MCHR1: variants seen among roughly 807,000 people sequenced by gnomAD.
MCHR1 encodes the protein melanin concentrating hormone receptor 1.
In MCHR1, 13 loss-of-function variants were observed where a neutral mutation model predicts 20.4. The observed-to-expected ratio is 0.64, with a 90% CI of 0.41 to 1.01. The LOEUF (loss-of-function observed/expected upper bound fraction) is 1.01. Ranked by LOEUF, MCHR1 falls within the 50% of genes least tolerant of loss-of-function variation. The pLI is 0.00. For synonymous variants in MCHR1, 215 were observed against 204.4 expected (o/e 1.05, Z -0.44); for missense variants, 472 against 477.0 (o/e 0.99, Z 0.10).
Position 40,681,659 on chromosome 22 carries a change from T to G in MCHR1, c.793T>G (p.Phe265Val), listed in dbSNP as rs1470836883. 1 of 1,614,244 alleles carries G rather than the reference T, an allele frequency of 6.2e-7. No individual in the cohort carries two copies. The highest frequency in any genetic ancestry group is 1.7e-5 in the Admixed American group (1 of 60,032). Residue 265 changes from phenylalanine to valine, a missense_variant, in exon 2 of 2, where the codon TTC (phenylalanine) becomes GTC (valine). By Grantham distance (50) the Phe-to-Val change is conservative. Transcript: ENST00000249016. This position sits in a 1 kb window ranked among gnomAD's most constrained non-coding sequence, Gnocchi z 4.3. ...TRTAIAICLV[F>V]FVCWAPYYVL... ...CACAGCCATCGCCATCTGTCTGGTC[T>G]TCTTTGTGTGCTGGGCACCCTACTA...
chr22:40,681,383 A>T lies in MCHR1; in HGVS notation c.517A>T (p.Ile173Phe), dbSNP rs1420793807. The T allele has an allele frequency of 6.2e-7, 1 of 1,614,130 alleles. No individual in the cohort carries two copies. Among genetic ancestry groups the T allele is most frequent in the East Asian group, 2.2e-5 (1 of 44,878 alleles). Residue 173 changes from isoleucine (I) to phenylalanine (F), a missense_variant, in exon 2 of 2, where the codon ATC becomes TTC. Transcript: ENST00000249016. This position sits in a 1 kb window ranked among gnomAD's most constrained non-coding sequence, Gnocchi z 4.3. Reference sequence around the variant, plus strand: ...CTGCCTCCTGTGGGCCCTCTCCTTCATCAGCATCACCCCTGTGTGGCTGTA... The same window carrying T: ...CTGCCTCCTGTGGGCCCTCTCCTTCTTCAGCATCACCCCTGTGTGGCTGTA... ...VICLLWALSF[I>F]SITPVWLYAR...
chr22:40,680,616 C>A, intron 1 of MCHR1: 1 of 196,176 alleles, frequency 5.1e-6, no homozygotes, highest in Non-Finnish European at 9.2e-6. Flanking sequence ...ACTTTTGTGT[C>A]CTTCTGGCTA....
At position 40,681,119 on chromosome 22, in the gene MCHR1, C is replaced by G. The variant is rs763368168; in HGVS notation, c.253C>G (p.Leu85Val). The G allele has an allele frequency of 3.0e-5, 48 of 1,614,148 alleles. No homozygotes were observed. In the Middle Eastern group the frequency reaches 2.5e-3, roughly 83 times the overall value. The change falls in exon 2 of 2, where the codon CTC (leucine) becomes GTC (valine). Residue 85 changes from leucine (L) to valine (V), a missense_variant. Physicochemically the swap from Leu to Val is conservative, Grantham distance 32. Transcript: ENST00000249016. The surrounding 1 kb of genome is among the most constrained non-coding windows in gnomAD (Gnocchi z 4.3). Reference protein sequence around the residue: ...NNVPDIFIINLSVVDLLFLLG... With the variant: ...NNVPDIFIINVSVVDLLFLLG... ...CGTCCCCGACATCTTCATCATCAAC[C>G]TCTCGGTAGTAGATCTCCTCTTTCT...
At chr22:40,680,654 G>T in intron 1 of MCHR1, 1 of 521,412 alleles carries the variant, frequency 1.9e-6, no homozygotes, top group Non-Finnish European at 2.5e-6. Flanking sequence ...GGTGAAGCCC[G>T]GGGCTCACAG....
chr22:40,680,838 G>C, intron 1 of MCHR1, 111 bp from the exon 2 acceptor site: 1 of 1,585,178 alleles, frequency 6.3e-7, no homozygotes, highest in Non-Finnish European at 8.6e-7. Flanking sequence ...AATGGTGGGA[G>C]AGGATTCCAG....
intron 1 of MCHR1, chr22:40,680,657 G>A (rs1285799514): frequency 3.7e-6 from 2 of 544,212 alleles, no homozygotes; most frequent in Non-Finnish European, 4.7e-6. Flanking sequence ...GAAGCCCGGG[G>A]CTCACAGAGT....
At position 40,681,359 on chromosome 22, in the gene MCHR1, T is replaced by C; in HGVS notation, c.493T>C (p.Cys165Arg). The C allele has an allele frequency of 1.9e-6, 3 of 1,614,236 alleles. No individual in the cohort carries two copies. Among genetic ancestry groups the C allele is most frequent in the Non-Finnish European group, 2.5e-6 (3 of 1,180,042 alleles). The change falls in exon 2 of 2, where the codon TGC (cysteine) becomes CGC (arginine). Residue 165 changes from cysteine to arginine, a missense_variant. Cys to Arg is a radical substitution (Grantham distance 180). Coordinates refer to ENST00000249016, the MANE Select transcript of MCHR1 (RefSeq NM_005297.4). The surrounding 1 kb of genome is among the most constrained non-coding windows in gnomAD (Gnocchi z 4.3). The part of the protein sequence containing the change: ...RKPSVATLVI[C>R]LLWALSFISI... ...GCCCTCTGTGGCCACCCTGGTGATCTGCCTCCTGTGGGCCCTCTCCTTCAT... is the reference window on the plus strand; with the variant it reads ...GCCCTCTGTGGCCACCCTGGTGATCCGCCTCCTGTGGGCCCTCTCCTTCAT...
At chr22:40,680,748 C>A in intron 1 of MCHR1, 1 of 985,202 alleles carries the variant, frequency 1.0e-6, no homozygotes, top group Non-Finnish European at 1.2e-6. Context: ...ACAGATGGCT[C>A]AGGGCACTCT....
rs3087592 is a variant in MCHR1, at chr22:40,682,661, C to T, written c.*733C>T. 6,345 of 154,072 alleles carry T rather than the reference C, an allele frequency of 0.041. 168 individuals carry two copies. The highest frequency in any genetic ancestry group is 0.062 in the Non-Finnish European group (4,322 of 69,170). 9.5% of individuals were successfully genotyped at this position (154,072 alleles called of 1,614,324 possible). On this transcript the variant is annotated 3_prime_UTR_variant, in exon 2 of 2. Transcript: ENST00000249016. Reference sequence around the variant, plus strand: ...TGCAGCTCTGGTGACATTCTCTCCACGGGGCACATTTGCTCAGTCACTAAT... The same window carrying T: ...TGCAGCTCTGGTGACATTCTCTCCATGGGGCACATTTGCTCAGTCACTAAT...
rs549253450 is a variant in MCHR1 at position 40,681,614 on chromosome 22, C to A, written c.748C>A (p.Arg250=). 4 of 1,614,178 alleles carry A rather than the reference C, an allele frequency of 2.5e-6. No individual in the cohort carries two copies. In the Admixed American group the frequency reaches 5.0e-5, roughly 20 times the overall value. Residue 250 remains arginine (R), a synonymous_variant, in exon 2 of 2, where the codon CGG becomes AGG. Coordinates refer to ENST00000249016, the MANE Select transcript of MCHR1 (RefSeq NM_005297.4). The surrounding 1 kb of genome is among the most constrained non-coding windows in gnomAD (Gnocchi z 4.3). ...CGCCTCCCAGCGCAGCATCCGGCTG[C>A]GGACAAAGAGGGTGACCCGCACAGC... The part of the protein sequence containing the change: ...APASQRSIRL[R]TKRVTRTAIA...
Position 40,680,953 on chromosome 22 carries a change from ACCT to A in MCHR1, c.92_94del (p.Pro31del). ...GCTTGCTCCTTCTGTCCCCAGGATC[ACCT>A]CCTCGCACGGGGAGCATCTCCTACA... On this transcript the variant is annotated inframe_deletion, in exon 2 of 2. Transcript: ENST00000249016. 1 of 1,613,774 alleles carries A rather than the reference ACCT, an allele frequency of 6.2e-7. No individual in the cohort carries two copies.
At position 40,681,921 on chromosome 22, in the gene MCHR1, G is replaced by A. The variant is rs151079308; in HGVS notation, c.1055G>A (p.Gly352Asp). 3 of 1,606,536 alleles carry A rather than the reference G, an allele frequency of 1.9e-6. No individual in the cohort carries two copies. Among genetic ancestry groups the A allele is most frequent in the Non-Finnish European group, 2.5e-6 (3 of 1,180,010 alleles). The change falls in exon 2 of 2, where the codon GGC (glycine) becomes GAC (aspartate). Residue 352 changes from glycine to aspartate, a missense_variant. Gly to Asp is a moderately conservative substitution (Grantham distance 94). Transcript: ENST00000249016. The surrounding 1 kb of genome is among the most constrained non-coding windows in gnomAD (Gnocchi z 4.3). The stretch of plus-strand genomic sequence containing the variant: ...GACGAGGAGAGGACAGAAAGCAAAG[G>A]CACCTGATACTTCCCCTGCCACCCT... ...TADEERTESKGT is the reference protein window; with the variant it reads ...TADEERTESKDT
Position 40,679,533 on chromosome 22 carries a change from C to T in MCHR1, c.-120C>T, listed in dbSNP as rs368210469. ...CTGCCAGGCTACGGAGGAAGACCCC[C>T]TTCCCAACTGCGGGGCTTGCGCTCC... is the stretch of plus-strand genomic sequence containing the variant. On this transcript the variant is annotated 5_prime_UTR_variant, in exon 1 of 2. Transcript: ENST00000249016. 5 of 1,613,818 alleles carry T rather than the reference C, an allele frequency of 3.1e-6. No individual in the cohort carries two copies. The highest frequency in any genetic ancestry group is 1.7e-5 in the Admixed American group (1 of 60,006).
Position 40,679,682 on chromosome 22 carries a change from T to A in MCHR1, c.30T>A (p.Thr10=), listed in dbSNP as rs553005061. The change falls in exon 1 of 2, where the codon ACT becomes ACA. Residue 10 remains threonine, a synonymous_variant. Coordinates refer to ENST00000249016, the MANE Select transcript of MCHR1 (RefSeq NM_005297.4). ...ACCTGGAAGCCTCGCTGCTGCCCAC[T>A]GGTCCCAACGCCAGCAACACCTCTG... MDLEASLLP[T]GPNASNTSDG... 7 of 1,613,912 alleles carry A rather than the reference T, an allele frequency of 4.3e-6. No homozygotes were observed. The highest frequency in any genetic ancestry group is 5.9e-6 in the Non-Finnish European group (7 of 1,179,984).
rs200370529 is a variant in MCHR1, at chr22:40,681,322, G to A, written c.456G>A (p.Thr152=). 8.1e-6 allele frequency: 13 copies of A among 1,614,116 alleles called. No homozygotes were observed. The highest frequency in any genetic ancestry group is 2.2e-5 in the East Asian group (1 of 44,882). The change falls in exon 2 of 2, where the codon ACG becomes ACA. Residue 152 remains threonine (T), a synonymous_variant. Transcript: ENST00000249016. This position sits in a 1 kb window ranked among gnomAD's most constrained non-coding sequence, Gnocchi z 4.3. Reference sequence around the variant, plus strand: ...CCACTGTCCACCCCATCTCTTCCACGAAGTTCCGGAAGCCCTCTGTGGCCA... The same window carrying A: ...CCACTGTCCACCCCATCTCTTCCACAAAGTTCCGGAAGCCCTCTGTGGCCA... ...YLATVHPISS[T]KFRKPSVATL... is the part of the protein sequence containing the mutation.
rs2056867714 is a variant in MCHR1 at position 40,679,516 on chromosome 22, C to T, written c.-137C>T. ...CTTGGAGGCGGCAGCGGCTGCCAGG[C>T]TACGGAGGAAGACCCCCTTCCCAAC... On this transcript the variant is annotated 5_prime_UTR_variant, in exon 1 of 2. Coordinates refer to ENST00000249016, the MANE Select transcript of MCHR1 (RefSeq NM_005297.4). 4 of 1,613,966 alleles carry T rather than the reference C, an allele frequency of 2.5e-6. No homozygotes were observed. Among genetic ancestry groups the T allele is most frequent in the Non-Finnish European group, 3.4e-6 (4 of 1,179,918 alleles).
At chr22:40,680,795 A>C (rs2056875081) in intron 1 of MCHR1, 154 bp from the exon 2 acceptor site, 1 of 984,050 alleles carries the variant, frequency 1.0e-6, no homozygotes, top group Non-Finnish European at 1.2e-6. Context: ...AGAAGGGAAA[A>C]GGGACAAGAT....
chr22:40,681,265 C>A lies in MCHR1; in HGVS notation c.399C>A (p.Ile133=). 1 of 1,614,184 alleles carries A rather than the reference C, an allele frequency of 6.2e-7. No individual in the cohort carries two copies. The highest frequency in any genetic ancestry group is 8.5e-7 in the Non-Finnish European group (1 of 1,180,044). ...ATAGTCAGTTCACCAGCACCTACAT[C>A]CTGACCGCCATGGCCATTGACCGCT... The part of the protein sequence containing the change: ...DANSQFTSTY[I]LTAMAIDRYL... Residue 133 remains isoleucine (I), a synonymous_variant, in exon 2 of 2, where the codon ATC becomes ATA. Transcript: ENST00000249016. The surrounding 1 kb of genome is among the most constrained non-coding windows in gnomAD (Gnocchi z 4.3).
chr22:40,679,499 C>T lies in MCHR1; in HGVS notation c.-154C>T, dbSNP rs142803948. 2.4e-5 allele frequency: 39 copies of T among 1,614,048 alleles called. No individual in the cohort carries two copies. The African/African-American group carries it at 2.5e-4, about 10-fold the overall frequency. ...TGGGGAGGGCAGTTGGGCTTGGAGG[C>T]GGCAGCGGCTGCCAGGCTACGGAGG... On this transcript the variant is annotated 5_prime_UTR_variant, in exon 1 of 2. Coordinates refer to ENST00000249016, the MANE Select transcript of MCHR1 (RefSeq NM_005297.4).
Sources: allele counts gnomAD v4.1 joint callset, GRCh38; gene constraint gnomAD v4.1.1; non-coding constraint Gnocchi (gnomAD v3.1); transcripts MANE v1.5; gene names NCBI Gene and HGNC (gene_info 2026-07-23, HGNC 2026-07-21).